ATXN10: variants seen among roughly 807,000 people sequenced by gnomAD.
ATXN10 encodes the protein ataxin 10.
A neutral mutation model predicts 52.9 loss-of-function variants in ATXN10; 28 were observed. The ratio of observed to expected loss-of-function variants is 0.53; its 90% CI spans 0.39 to 0.73. The LOEUF is 0.73. ATXN10 is among the 30% of genes least tolerant of loss of function. ATXN10 has a pLI of 0.00. For synonymous variants in ATXN10, 226 were observed against 221.5 expected (o/e 1.02, Z -0.18); for missense variants, 565 against 577.0 (o/e 0.98, Z 0.21).
chr22:45,807,852 C>T (rs1401396955), intron 10 of ATXN10, among the ~76,000 whole-genome samples: 8 of 151,956 alleles, frequency 5.3e-5, no homozygotes, highest in East Asian at 1.9e-4. Flanking sequence ...GCGTAGCCTG[C>T]GGGAGGCAGT....
Position 45,692,603 on chromosome 22 carries a change from A to T in ATXN10, c.309-393A>T, listed in dbSNP as rs149960058. On this transcript the variant is annotated intron_variant, in intron 2 of 11. Coordinates refer to ENST00000252934, the MANE Select transcript of ATXN10 (RefSeq NM_013236.4). The stretch of plus-strand genomic sequence containing the variant: ...ATTGCAACTAGTACATATTTTTCTG[A>T]TGTTTTACTTTAAGTCGTTAAAGAG... Among the ~76,000 whole-genome samples, 95 of 152,324 alleles carry T rather than the reference A, an allele frequency of 6.2e-4. 2 individuals are homozygous for T. In the East Asian group the frequency reaches 0.018, roughly 28 times the overall value.
At chr22:45,723,965 A>G (rs1261908588) in intron 6 of ATXN10, among the ~76,000 whole-genome samples, 2 of 151,652 alleles carry the variant, frequency 1.3e-5, no homozygotes, top group African/African-American at 2.4e-5. Context: ...AAAAAAAAAA[A>G]TAAAAGGCTT....
chr22:45,790,435 A>G lies in ATXN10; in HGVS notation c.1174-16524A>G, dbSNP rs1927468411. 6.6e-6 allele frequency among the ~76,000 whole-genome samples: 1 copy of G among 152,232 alleles called. No homozygotes were observed. Among genetic ancestry groups the G allele is most frequent in the Non-Finnish European group, 1.5e-5 (1 of 68,040 alleles). On this transcript the variant is annotated intron_variant, in intron 9 of 11. Transcript: ENST00000252934. The surrounding 1 kb of genome is among the most constrained non-coding windows in gnomAD (Gnocchi z 4.7). ...AAACAAGCCAATTCCTGGTCTTCTA[A>G]TAGTTACCCCAAGCAAAAGTATGTC... is the stretch of plus-strand genomic sequence containing the variant.
intron 6 of ATXN10, among the ~76,000 whole-genome samples, chr22:45,721,910 G>A (rs1439600008): frequency 6.6e-6 from 1 of 151,550 alleles, no homozygotes. Flanking sequence ...GCGAGACTCT[G>A]TCACATGAAA....
chr22:45,751,579 T>C (rs1925951615), intron 9 of ATXN10, among the ~76,000 whole-genome samples: 1 of 152,014 alleles, frequency 6.6e-6, no homozygotes, highest in African/African-American at 2.4e-5. Flanking sequence ...GTACATCAGC[T>C]CTTACTGAGT....
chr22:45,755,873 G>A (rs1926155355), intron 9 of ATXN10, among the ~76,000 whole-genome samples: 1 of 152,128 alleles, frequency 6.6e-6, no homozygotes, highest in Admixed American at 6.5e-5. Context: ...ATAGAAATCT[G>A]TGAACTGAGC....
chr22:45,741,947 A>G (rs1925553203), intron 9 of ATXN10, among the ~76,000 whole-genome samples: 2 of 152,224 alleles, frequency 1.3e-5, no homozygotes, highest in Admixed American at 1.3e-4. Flanking sequence ...GAATCAAAGA[A>G]CAGTTTGAGG....
intron 9 of ATXN10, among the ~76,000 whole-genome samples, chr22:45,751,740 G>GGAAAA (rs1555892667): frequency 6.6e-5 from 3 of 45,496 alleles, no homozygotes; most frequent in Admixed American, 2.5e-4. Flanking sequence ...CCTTTTTCTG[G>GGAAAA]AAAAAAAAAA....
chr22:45,731,643 G>A (rs1214322901), intron 7 of ATXN10, among the ~76,000 whole-genome samples: 1 of 152,166 alleles, frequency 6.6e-6, no homozygotes. Flanking sequence ...GTCCACAGGC[G>A]GGAATGTAGA....
At position 45,715,085 on chromosome 22, in the gene ATXN10, C is replaced by T. The variant is rs903424046; in HGVS notation, c.648-3328C>T. Among the ~76,000 whole-genome samples, 4 of 152,170 alleles carry T rather than the reference C, an allele frequency of 2.6e-5. No individual in the cohort carries two copies. The highest frequency in any genetic ancestry group is 6.5e-5 in the Admixed American group (1 of 15,274). ...CATGCAGAACTCAGTCCTTCCTTTA[C>T]GATGTCTCAGTTCTACTATTTTAAG... On this transcript the variant is annotated intron_variant, in intron 5 of 11. Transcript: ENST00000252934. This position sits in a 1 kb window ranked among gnomAD's most constrained non-coding sequence, Gnocchi z 4.4.
rs1447682366 is a variant in ATXN10, at chr22:45,718,433, T to G, written c.668T>G (p.Leu223Arg). 3 of 1,613,538 alleles carry G rather than the reference T, an allele frequency of 1.9e-6. No individual in the cohort carries two copies. In the East Asian group the frequency reaches 6.7e-5, roughly 36 times the overall value. ...SEWPFLIITD[L>R]FLKSPELVQA... ...CCTAGGTTCTTGATTATTACAGACC[T>G]CTTTCTGAAAAGCCCGGAATTGGTA... Residue 223 changes from leucine to arginine, a missense_variant, in exon 6 of 12, where the codon CTC (leucine) becomes CGC (arginine). Physicochemically the swap from Leu to Arg is moderately radical, Grantham distance 102 (BLOSUM62 -2). Transcript: ENST00000252934. This position sits in a 1 kb window ranked among gnomAD's most constrained non-coding sequence, Gnocchi z 4.4.
chr22:45,781,097 C>G lies in ATXN10; in HGVS notation c.1174-25862C>G, dbSNP rs1569061912. Among the ~76,000 whole-genome samples the G allele has an allele frequency of 6.6e-6, 1 of 152,190 alleles. No individual in the cohort carries two copies. The highest frequency in any genetic ancestry group is 1.5e-5 in the Non-Finnish European group (1 of 68,024). Reference sequence around the variant, plus strand: ...GAAGGGGACAACTTAAGACAGAAAACTTTTAGACAGTAAGTGCCCTATTTC... The same window carrying G: ...GAAGGGGACAACTTAAGACAGAAAAGTTTTAGACAGTAAGTGCCCTATTTC... On this transcript the variant is annotated intron_variant, in intron 9 of 11. Transcript: ENST00000252934. This position sits in a 1 kb window ranked among gnomAD's most constrained non-coding sequence, Gnocchi z 4.2.
At chr22:45,794,448 T>TAA (rs778584781) in intron 9 of ATXN10, among the ~76,000 whole-genome samples, 8 of 143,542 alleles carry the variant, frequency 5.6e-5, no homozygotes, top group South Asian at 2.2e-4. Context: ...TATTCTTTCT[T>TAA]AAAAAAAAAA....
intron 6 of ATXN10, among the ~76,000 whole-genome samples, chr22:45,720,233 G>A (rs1050148454): frequency 6.6e-5 from 10 of 151,476 alleles, no homozygotes; most frequent in African/African-American, 1.9e-4. Context: ...TTTACCCTAT[G>A]GAATCTTTGA....
At chr22:45,829,793 C>T (rs986905181) in intron 10 of ATXN10, among the ~76,000 whole-genome samples, 6 of 152,134 alleles carry the variant, frequency 3.9e-5, no homozygotes, top group Admixed American at 2.6e-4. Context: ...GATGTCAGTA[C>T]TGCTCAGAGC....
chr22:45,804,819 A>G (rs1226928754), intron 9 of ATXN10, among the ~76,000 whole-genome samples: 2 of 152,118 alleles, frequency 1.3e-5, no homozygotes, highest in Non-Finnish European at 2.9e-5. Context: ...CCTCCACCCC[A>G]TTCTCTTCTT....
At position 45,738,828 on chromosome 22, in the gene ATXN10, A is replaced by G. The variant is rs1925401955; in HGVS notation, c.992A>G (p.Glu331Gly). 1.2e-6 allele frequency: 2 copies of G among 1,613,760 alleles called. No homozygotes were observed. The highest frequency in any genetic ancestry group is 2.7e-5 in the African/African-American group (2 of 75,034). ...CTGCAGGTTTTCCCTGGCTTGCTGG[A>G]AAGAGTGATTGGTGAGTGAAATATC... ...GYLQVFPGLL[E>G]RVIDLLRVIH... The change falls in exon 8 of 12, where the codon GAA (glutamate) becomes GGA (glycine). Residue 331 changes from glutamate (E) to glycine (G), a missense_variant. Glu to Gly is a moderately conservative substitution (Grantham distance 98). Coordinates refer to ENST00000252934, the MANE Select transcript of ATXN10 (RefSeq NM_013236.4).
intron 1 of ATXN10, chr22:45,689,466 AG>A (rs1039613920): frequency 3.7e-6 from 2 of 536,328 alleles, no homozygotes; most frequent in Non-Finnish European, 6.7e-6. Flanking sequence ...TGGAGAGGAC[AG>A]TGTTGGCCTC....
Position 45,736,648 on chromosome 22 carries a change from T to C in ATXN10, c.895-2083T>C, listed in dbSNP as rs958840445. ...TCTAGATTTTAGATTTTGATGAGTATGTCTTCAGGGTGGCACTTAACATAT... is the reference window on the plus strand; with the variant it reads ...TCTAGATTTTAGATTTTGATGAGTACGTCTTCAGGGTGGCACTTAACATAT... On this transcript the variant is annotated intron_variant, in intron 7 of 11. Coordinates refer to ENST00000252934, the MANE Select transcript of ATXN10 (RefSeq NM_013236.4). Among the ~76,000 whole-genome samples, 13 of 152,318 alleles carry C rather than the reference T, an allele frequency of 8.5e-5. No individual in the cohort carries two copies. The East Asian group carries it at 2.3e-3, about 27-fold the overall frequency.
Sources: allele counts gnomAD v4.1 joint callset (sites outside exome capture counted in the v4.1 genomes callset), GRCh38; gene constraint gnomAD v4.1.1; non-coding constraint Gnocchi (gnomAD v3.1); transcripts MANE v1.5; gene names NCBI Gene and HGNC (gene_info 2026-07-23, HGNC 2026-07-21).